UTRN: variants seen among roughly 807,000 people sequenced by gnomAD.
UTRN encodes dystrophin-related protein 1.
A neutral mutation model predicts 463.9 loss-of-function variants in UTRN; 283 were observed. The observed-to-expected ratio is 0.61, with a 90% CI of 0.55 to 0.67. The LOEUF (loss-of-function observed/expected upper bound fraction) is 0.67, where lower values mean the gene tolerates loss of function less well. Ranked by LOEUF, UTRN falls within the 30% of genes least tolerant of loss-of-function variation. The pLI, the probability that UTRN is intolerant of heterozygous loss-of-function variation, is 0.00. For synonymous variants in UTRN, 1,442 were observed against 1,431.5 expected (o/e 1.01, Z -0.17); for missense variants, 3,922 against 4,084.3 (o/e 0.96, Z 1.08).
At chr6:144,777,988 T>G (rs1373829584) in intron 60 of UTRN, among the ~76,000 whole-genome samples, 1 of 152,230 alleles carries the variant, frequency 6.6e-6, no homozygotes, top group Non-Finnish European at 1.5e-5. Context: ...GTTTTTTTCC[T>G]CAAGTTCTTA....
At chr6:144,789,839 A>G (rs1776610241) in intron 62 of UTRN, among the ~76,000 whole-genome samples, 1 of 152,228 alleles carries the variant, frequency 6.6e-6, no homozygotes, top group Non-Finnish European at 1.5e-5. Flanking sequence ...TTTTTATTAT[A>G]TTTGGATTTA....
chr6:144,671,258 A>G (rs892708961), intron 51 of UTRN, among the ~76,000 whole-genome samples: 2 of 151,722 alleles, frequency 1.3e-5, no homozygotes, highest in Admixed American at 6.6e-5. Context: ...TATTTATTCT[A>G]CTCATACATG....
chr6:144,498,446 G>A (rs1338208841), intron 33 of UTRN, among the ~76,000 whole-genome samples: 5 of 152,278 alleles, frequency 3.3e-5, no homozygotes, highest in East Asian at 3.9e-4. Flanking sequence ...TTGTATAGTC[G>A]TGTACTGCAT....
intron 61 of UTRN, among the ~76,000 whole-genome samples, chr6:144,785,203 C>G (rs1002808742): frequency 3.9e-5 from 6 of 152,224 alleles, no homozygotes; most frequent in African/African-American, 1.4e-4. Context: ...TCTAACACTT[C>G]TATTCATTCA....
At chr6:144,815,643 A>G (rs1779010653) in intron 65 of UTRN, among the ~76,000 whole-genome samples, 1 of 152,228 alleles carries the variant, frequency 6.6e-6, no homozygotes, top group Non-Finnish European at 1.5e-5. Flanking sequence ...GATGAAGGCC[A>G]GAAGACTCAG....
intron 35 of UTRN, 139 bp from the exon 36 acceptor site, chr6:144,513,770 A>G (rs1795374290): frequency 2.3e-6 from 2 of 861,240 alleles, no homozygotes; most frequent in Non-Finnish European, 3.4e-6. Context: ...TCACTGAAGA[A>G]GAGCTCTGCA....
At chr6:144,673,868 T>C (rs2128680263) in intron 51 of UTRN, among the ~76,000 whole-genome samples, 1 of 152,274 alleles carries the variant, frequency 6.6e-6, no homozygotes, top group African/African-American at 2.4e-5. Flanking sequence ...CATTTATTCA[T>C]CTGAAAAAGA....
At chr6:144,787,267 TA>T (rs1776374345) in intron 61 of UTRN, among the ~76,000 whole-genome samples, 1 of 152,204 alleles carries the variant, frequency 6.6e-6, no homozygotes, top group African/African-American at 2.4e-5. Flanking sequence ...AGGAAACTTC[TA>T]AAAAATATAA....
intron 2 of UTRN, among the ~76,000 whole-genome samples, chr6:144,355,060 G>T (rs548367718): frequency 6.6e-6 from 1 of 152,186 alleles, no homozygotes; most frequent in Admixed American, 6.5e-5. Flanking sequence ...TTGTAGTTCA[G>T]TGAATGAGGT....
At position 144,548,830 on chromosome 6, in the gene UTRN, C is replaced by G; in HGVS notation, c.6786C>G (p.Ile2262Met). Residue 2262 changes from isoleucine (I) to methionine (M), a missense_variant, in exon 47 of 75, where the codon ATC (isoleucine) becomes ATG (methionine). By Grantham distance (10) the Ile-to-Met change is conservative. Transcript: ENST00000367545. ...NIVTVGDVEE[I>M]NKTVSRMKIT... ...TCACTGTTGGGGATGTAGAAGAGAT[C>G]AATAAGACCGTTTCCCGAATGAAAG... 2 of 1,613,928 alleles carry G rather than the reference C, an allele frequency of 1.2e-6. No homozygotes were observed. Among genetic ancestry groups the G allele is most frequent in the Admixed American group, 1.7e-5 (1 of 60,006 alleles).
intron 8 of UTRN, 38 bp from the exon 9 acceptor site, chr6:144,429,543 C>A: frequency 6.4e-7 from 1 of 1,568,118 alleles, no homozygotes; most frequent in South Asian, 1.2e-5. Context: ...ATTTTGGACA[C>A]CTAATTTAAG....
chr6:144,383,451 C>G (rs1781115593), intron 2 of UTRN, among the ~76,000 whole-genome samples: 1 of 152,132 alleles, frequency 6.6e-6, no homozygotes, highest in African/African-American at 2.4e-5. Flanking sequence ...GGTAGGCAAC[C>G]CAGGGCTGGT....
At chr6:144,744,451 A>G (rs1790473900) in intron 54 of UTRN, among the ~76,000 whole-genome samples, 1 of 147,668 alleles carries the variant, frequency 6.8e-6, no homozygotes, top group African/African-American at 2.5e-5. Context: ...TATGTATAAT[A>G]TATACATAAT....
At chr6:144,589,579 T>TCACTC (rs1169311277) in intron 51 of UTRN, among the ~76,000 whole-genome samples, 2 of 152,202 alleles carry the variant, frequency 1.3e-5, no homozygotes, top group Non-Finnish European at 2.9e-5. Flanking sequence ...ATAAAATGGG[T>TCACTC]CACTCAGTAT....
intron 1 of UTRN, among the ~76,000 whole-genome samples, chr6:144,287,415 A>G (rs1482613346): frequency 6.6e-6 from 1 of 152,080 alleles, no homozygotes; most frequent in African/African-American, 2.4e-5. Context: ...ACTGTGTTTC[A>G]AGCAGAGCAG....
intron 66 of UTRN, among the ~76,000 whole-genome samples, chr6:144,823,701 A>T (rs190737142): frequency 6.6e-6 from 1 of 152,296 alleles, no homozygotes; most frequent in East Asian, 1.9e-4. Flanking sequence ...TAAATCAATA[A>T]ATGAGTAGAG....
At chr6:144,569,252 T>G (rs1448577176) in intron 50 of UTRN, among the ~76,000 whole-genome samples, 1 of 152,076 alleles carries the variant, frequency 6.6e-6, no homozygotes, top group East Asian at 1.9e-4. Flanking sequence ...ATTTTAAACT[T>G]AAACACATAC....
chr6:144,827,792 A>G (rs1248089406), intron 68 of UTRN, 116 bp downstream of exon 68: 3 of 1,235,962 alleles, frequency 2.4e-6, no homozygotes, highest in Non-Finnish European at 3.4e-6. Flanking sequence ...TGCAGGAGTT[A>G]TGATTCCATT....
rs772170682 is a variant in UTRN, at chr6:144,840,816, G to A, written c.10254G>A (p.Thr3418=). The stretch of plus-strand genomic sequence containing the variant: ...AGGTCATGGAGCAGATTCACAGCAC[G>A]TTTCCATCTTGCTGCCGTGAGTATG... ...LTEVMEQIHS[T]FPSCCPNVPS... is the part of the protein sequence containing the mutation. The change falls in exon 73 of 75, where the codon ACG becomes ACA. Residue 3418 remains threonine, a synonymous_variant. Coordinates refer to ENST00000367545, the MANE Select transcript of UTRN (RefSeq NM_007124.3). 32 of 1,613,890 alleles carry A rather than the reference G, an allele frequency of 2.0e-5. 1 individual carries two copies. The highest frequency in any genetic ancestry group is 1.8e-4 in the East Asian group (8 of 44,868).
Sources: allele counts gnomAD v4.1 joint callset (sites outside exome capture counted in the v4.1 genomes callset), GRCh38; gene constraint gnomAD v4.1.1; transcripts MANE v1.5; gene names NCBI Gene and HGNC (gene_info 2026-07-23, HGNC 2026-07-21).